The following SMTNL2 variants were observed in gnomAD, a reference collection of about 807,000 sequenced individuals.
SMTNL2 encodes smoothelin-like protein 2.
Under a neutral mutation model 44.1 loss-of-function variants are expected in SMTNL2, and 43 were observed. The observed-to-expected ratio is 0.98, with a 90% confidence interval of 0.76 to 1.26. The LOEUF (loss-of-function observed/expected upper bound fraction) is 1.26, where lower values mean the gene tolerates loss of function less well. SMTNL2 is among the 50% of genes most tolerant of loss of function. The probability of loss-of-function intolerance (pLI) is 0.00; values close to 1 mark genes in which losing one functional copy is unlikely to be tolerated. For missense variants in SMTNL2, 646 were observed against 670.2 expected, an observed-to-expected ratio of 0.96 and a Z score of 0.40; for synonymous variants, 317 against 287.6, an observed-to-expected ratio of 1.10 and a Z score of -1.03.
In SMTNL2 at chr17:4,607,275, C is replaced by G; in HGVS notation, c.1260-86C>G. ...CTCTGGCTGCCGGCTGAGCTCTGTTCCCGGGACCGAGACACCGGCCCTGTC... is the reference window on the plus strand; with the variant it reads ...CTCTGGCTGCCGGCTGAGCTCTGTTGCCGGGACCGAGACACCGGCCCTGTC... On this transcript the variant is annotated intron_variant, in intron 7 of 7. Transcript: ENST00000389313. This position sits in a 1 kb window ranked among gnomAD's most constrained non-coding sequence, Gnocchi z 4.7. The G allele has an allele frequency of 6.3e-7, 1 of 1,586,162 alleles. No individual in the cohort carries two copies. The highest frequency in any genetic ancestry group is 8.6e-7 in the Non-Finnish European group (1 of 1,164,410).
intron 7 of SMTNL2, 90 bp downstream of exon 7, chr17:4,597,413 T>C: frequency 6.5e-7 from 1 of 1,544,654 alleles, no homozygotes; most frequent in Admixed American, 1.8e-5. Context: ...GCGAGTGGGA[T>C]GTCGGGCCGC....
rs1465497981 is a variant in SMTNL2 at position 4,592,992 on chromosome 17, G to A, written c.551G>A (p.Arg184His). ...NFSAPDPPRP[R>H]PVSLSLRLPH... The stretch of plus-strand genomic sequence containing the variant: ...TCAGCACCAGATCCCCCCAGGCCTC[G>A]TCCTGTGAGCCTCTCCTTGCGGCTG... The change falls in exon 3 of 8, where the codon CGT becomes CAT. Residue 184 changes from arginine (R) to histidine (H), a missense_variant. By Grantham distance (29) the Arg-to-His change is conservative. Coordinates refer to ENST00000389313, the MANE Select transcript of SMTNL2 (RefSeq NM_001114974.2). The surrounding 1 kb of genome is among the most constrained non-coding windows in gnomAD (Gnocchi z 4.5). 11 of 1,613,868 alleles carry A rather than the reference G, an allele frequency of 6.8e-6. No homozygotes were observed. The highest frequency in any genetic ancestry group is 4.0e-5 in the African/African-American group (3 of 74,898).
chr17:4,584,188 T>G, upstream of SMTNL2: 1 of 159,814 alleles, frequency 6.3e-6, no homozygotes, highest in Non-Finnish European at 1.4e-5. Context: ...GGTGTCCCCA[T>G]TAGCCCGGGA....
chr17:4,588,438 G>A (rs1290316926), intron 1 of SMTNL2, among the ~76,000 whole-genome samples: 1 of 152,210 alleles, frequency 6.6e-6, no homozygotes, highest in East Asian at 1.9e-4. Flanking sequence ...GGGGGTACCA[G>A]GCCAGCTCAA....
chr17:4,607,048 G>A lies in SMTNL2; in HGVS notation c.1260-313G>A, dbSNP rs1910307670. 6.6e-6 allele frequency among the ~76,000 whole-genome samples: 1 copy of A among 152,016 alleles called. No homozygotes were observed. Among genetic ancestry groups the A allele is most frequent in the Admixed American group, 6.6e-5 (1 of 15,256 alleles). On this transcript the variant is annotated intron_variant, in intron 7 of 7. Transcript: ENST00000389313. This position sits in a 1 kb window ranked among gnomAD's most constrained non-coding sequence, Gnocchi z 4.7. The stretch of plus-strand genomic sequence containing the variant: ...TGCAATAAGCTAGGATCGTGCCTCT[G>A]TACTCATGCCTGGGCAACAGAGCAA...
At position 4,584,668 on chromosome 17, in the gene SMTNL2, G is replaced by A. The variant is rs1002236713; in HGVS notation, c.63G>A (p.Glu21=). The A allele has an allele frequency of 1.6e-5, 20 of 1,276,472 alleles. No individual in the cohort carries two copies. The African/African-American group carries it at 2.8e-4, about 18-fold the overall frequency. The allele number at this position is 1,276,472 out of a possible 1,614,324, so 79.1% of individuals were successfully genotyped here. A position where few individuals can be genotyped will look rare whatever the true frequency, so the allele number is the denominator to read the frequency against. The change falls in exon 1 of 8, where the codon GAG becomes GAA. Residue 21 remains glutamate, a synonymous_variant. Transcript: ENST00000389313. ...RTVREALGRY[E]AALEGAVRAL... is the part of the protein sequence containing the mutation. ...TGCGCGAGGCGCTGGGCCGCTACGAGGCGGCGCTGGAGGGTGCGGTGCGCG... is the reference window on the plus strand; with the variant it reads ...TGCGCGAGGCGCTGGGCCGCTACGAAGCGGCGCTGGAGGGTGCGGTGCGCG...
rs899933080 is a variant in SMTNL2 at position 4,592,047 on chromosome 17, C to T, written c.400-314C>T. ...CTCCTGACCCCATCATCTGGTCCAGCCTGGGGGAAAAGGTGAGGGGGCCTA... is the reference window on the plus strand; with the variant it reads ...CTCCTGACCCCATCATCTGGTCCAGTCTGGGGGAAAAGGTGAGGGGGCCTA... On this transcript the variant is annotated intron_variant, in intron 1 of 7. Transcript: ENST00000389313. The surrounding 1 kb of genome is among the most constrained non-coding windows in gnomAD (Gnocchi z 4.5). Among the ~76,000 whole-genome samples, 3 of 152,170 alleles carry T rather than the reference C, an allele frequency of 2.0e-5. No individual in the cohort carries two copies. Among genetic ancestry groups the T allele is most frequent in the Admixed American group, 2.0e-4 (3 of 15,268 alleles).
rs979788004 is a variant in SMTNL2, at chr17:4,592,690, G to A, written c.488-239G>A. 6.6e-6 allele frequency among the ~76,000 whole-genome samples: 1 copy of A among 152,170 alleles called. No individual in the cohort carries two copies. Among genetic ancestry groups the A allele is most frequent in the Non-Finnish European group, 1.5e-5 (1 of 68,018 alleles). On this transcript the variant is annotated intron_variant, in intron 2 of 7. Coordinates refer to ENST00000389313, the MANE Select transcript of SMTNL2 (RefSeq NM_001114974.2). This position sits in a 1 kb window ranked among gnomAD's most constrained non-coding sequence, Gnocchi z 4.5. ...CTGTTTCTAGAGGAAAGCAAATAGA[G>A]GCTGAGGAGCCGACTAGTATTTATT...
chr17:4,606,035 T>C (rs768433592), intron 7 of SMTNL2, among the ~76,000 whole-genome samples: 12 of 152,020 alleles, frequency 7.9e-5, no homozygotes, highest in Non-Finnish European at 1.6e-4. Context: ...TCTAAACCAG[T>C]GAGCCAAAAG....
Position 4,607,281 on chromosome 17 carries a change from A to T in SMTNL2, c.1260-80A>T. On this transcript the variant is annotated intron_variant, in intron 7 of 7. Transcript: ENST00000389313. This position sits in a 1 kb window ranked among gnomAD's most constrained non-coding sequence, Gnocchi z 4.7. ...CTGCCGGCTGAGCTCTGTTCCCGGGACCGAGACACCGGCCCTGTCGCGGCT... is the reference window on the plus strand; with the variant it reads ...CTGCCGGCTGAGCTCTGTTCCCGGGTCCGAGACACCGGCCCTGTCGCGGCT... 1.3e-6 allele frequency: 2 copies of T among 1,590,016 alleles called. No homozygotes were observed. The highest frequency in any genetic ancestry group is 1.7e-6 in the Non-Finnish European group (2 of 1,166,216).
At chr17:4,588,008 C>T (rs1363321280) in intron 1 of SMTNL2, among the ~76,000 whole-genome samples, 1 of 152,252 alleles carries the variant, frequency 6.6e-6, no homozygotes, top group African/African-American at 2.4e-5. Flanking sequence ...CTGCCAGGAG[C>T]CCCATGTCAG....
In SMTNL2 at chr17:4,584,946, G is replaced by T; in HGVS notation, c.341G>T (p.Arg114Leu). The T allele has an allele frequency of 7.4e-7, 1 of 1,346,020 alleles. No homozygotes were observed. Among genetic ancestry groups the T allele is most frequent in the East Asian group, 3.2e-5 (1 of 31,462 alleles). The allele number at this position is 1,346,020 out of a possible 1,614,324, so 83.4% of individuals were successfully genotyped here. ...CCCGGGGTTCCCGACCGCGCGCCCC[G>T]CCTGGGCAGCGCACGCTTCGCCAGC... ...PAPGVPDRAP[R>L]LGSARFASHA... Residue 114 changes from arginine (R) to leucine (L), a missense_variant, in exon 1 of 8, where the codon CGC becomes CTC. Transcript: ENST00000389313.
intron 3 of SMTNL2, 65 bp from the exon 4 acceptor site, chr17:4,593,757 G>C (rs148075120): frequency 4.3e-5 from 65 of 1,526,730 alleles, no homozygotes; most frequent in Non-Finnish European, 5.6e-5. Context: ...GTCAGAGGAA[G>C]GGAGGCTATG....
intron 1 of SMTNL2, among the ~76,000 whole-genome samples, chr17:4,591,444 G>A (rs533670294): frequency 3.9e-5 from 6 of 152,208 alleles, no homozygotes; most frequent in African/African-American, 7.2e-5. Flanking sequence ...CTGGCCACAC[G>A]TGCCAGCTGT....
At position 4,607,726 on chromosome 17, in the gene SMTNL2, T is replaced by C; in HGVS notation, c.*239T>C. The C allele has an allele frequency of 6.1e-6, 3 of 492,312 alleles. No homozygotes were observed. Among genetic ancestry groups the C allele is most frequent in the Non-Finnish European group, 1.0e-5 (3 of 287,554 alleles). 30.5% of individuals were successfully genotyped at this position (492,312 alleles called of 1,614,324 possible). A position where few individuals can be genotyped will look rare whatever the true frequency, so the allele number is the denominator to read the frequency against. On this transcript the variant is annotated 3_prime_UTR_variant, in exon 8 of 8. Coordinates refer to ENST00000389313, the MANE Select transcript of SMTNL2 (RefSeq NM_001114974.2). This position sits in a 1 kb window ranked among gnomAD's most constrained non-coding sequence, Gnocchi z 4.7. ...GGGCTTGGAGGAAAAGGAAAAATTA[T>C]GAGAGAGAGAGAGACATTGGTGCTA...
chr17:4,592,304 G>T lies in SMTNL2; in HGVS notation c.400-57G>T. On this transcript the variant is annotated intron_variant, in intron 1 of 7. Transcript: ENST00000389313. The surrounding 1 kb of genome is among the most constrained non-coding windows in gnomAD (Gnocchi z 4.5). ...GGGGATTTGGGGGTGGGCAGCTTTT[G>T]GGGGTGGGCAGCTGGCCCTAGCTGA... 1 of 1,556,794 alleles carries T rather than the reference G, an allele frequency of 6.4e-7. No homozygotes were observed. The highest frequency in any genetic ancestry group is 8.8e-7 in the Non-Finnish European group (1 of 1,134,416).
chr17:4,598,824 TAA>T lies in SMTNL2; in HGVS notation c.1259+1515_1259+1516del, dbSNP rs34958438. 2.2e-4 allele frequency among the ~76,000 whole-genome samples: 31 copies of T among 138,706 alleles called. No individual in the cohort carries two copies. Among genetic ancestry groups the T allele is most frequent in the Admixed American group, 2.9e-4 (4 of 13,890 alleles). The allele number at this position is 138,706 out of a possible 152,430, so 91.0% of individuals were successfully genotyped here. Reference sequence around the variant, plus strand: ...GGGTGGCAGAGTGAGACGCCATCTCTAAAAAAAAAAAAAAAGTGGTCCTCATG... The same window carrying T: ...GGGTGGCAGAGTGAGACGCCATCTCTAAAAAAAAAAAAAGTGGTCCTCATG... On this transcript the variant is annotated intron_variant, in intron 7 of 7. Transcript: ENST00000389313. The surrounding 1 kb of genome is among the most constrained non-coding windows in gnomAD (Gnocchi z 4.8).
chr17:4,584,686 G>A lies in SMTNL2; in HGVS notation c.81G>A (p.Ala27=), dbSNP rs530992227. The A allele has an allele frequency of 2.3e-6, 3 of 1,286,296 alleles. No individual in the cohort carries two copies. The highest frequency in any genetic ancestry group is 3.1e-5 in the African/African-American group (2 of 64,358). The allele number at this position is 1,286,296 out of a possible 1,614,324, so 79.7% of individuals were successfully genotyped here. A position where few individuals can be genotyped will look rare whatever the true frequency, so the allele number is the denominator to read the frequency against. ...GCTACGAGGCGGCGCTGGAGGGTGC[G>A]GTGCGCGCGCTGCACGAGGACATGC... ...LGRYEAALEG[A]VRALHEDMRG... is the part of the protein sequence containing the mutation. Residue 27 remains alanine (A), a synonymous_variant, in exon 1 of 8, where the codon GCG becomes GCA. Coordinates refer to ENST00000389313, the MANE Select transcript of SMTNL2 (RefSeq NM_001114974.2).
At chr17:4,606,187 T>A (rs991534094) in intron 7 of SMTNL2, among the ~76,000 whole-genome samples, 1 of 152,088 alleles carries the variant, frequency 6.6e-6, no homozygotes, top group Non-Finnish European at 1.5e-5. Context: ...AATCGCACGA[T>A]CTCGGCTCAC....
Sources: gnomAD v4.1 joint callset for allele counts (sites outside exome capture counted in the v4.1 genomes callset) on GRCh38, gnomAD v4.1.1 for gene constraint, Gnocchi (gnomAD v3.1) non-coding constraint, MANE v1.5 for transcripts, NCBI Gene and HGNC (gene_info 2026-07-23, HGNC 2026-07-21) for gene names.